The following CLASP2 variants were observed in gnomAD, a reference collection of about 807,000 sequenced individuals.
CLASP2 encodes the protein CLIP-associating protein 2.
A neutral mutation model predicts 194.4 loss-of-function variants in CLASP2; 47 were observed. The ratio of observed to expected loss-of-function variants is 0.24; its 90% CI spans 0.19 to 0.31. CLASP2 has a LOEUF of 0.31. CLASP2 is among the 10% of genes least tolerant of loss of function. The pLI is 1.00. For missense variants in CLASP2, 1,445 were observed against 1,823.6 expected, an observed-to-expected ratio of 0.79 and a Z score of 3.78; for synonymous variants, 619 against 633.5, an observed-to-expected ratio of 0.98 and a Z score of 0.34.
At chr3:33,589,569 G>A (rs2068223075) in intron 21 of CLASP2, among the ~76,000 whole-genome samples, 1 of 152,030 alleles carries the variant, frequency 6.6e-6, no homozygotes, top group South Asian at 2.1e-4. Context: ...AAATAAGCAA[G>A]CAAACAAACA....
intron 7 of CLASP2, among the ~76,000 whole-genome samples, chr3:33,645,670 A>C (rs965824897): frequency 6.6e-6 from 1 of 152,154 alleles, no homozygotes; most frequent in Admixed American, 6.6e-5. Flanking sequence ...TTGACATGAA[A>C]ATTTATATAA....
chr3:33,657,995 A>G (rs948649700), intron 7 of CLASP2, among the ~76,000 whole-genome samples: 1 of 152,190 alleles, frequency 6.6e-6, no homozygotes, highest in East Asian at 1.9e-4. Flanking sequence ...AAAACACTCA[A>G]AACATTTTTG....
At chr3:33,703,637 A>G (rs528835306) in intron 1 of CLASP2, among the ~76,000 whole-genome samples, 2 of 152,312 alleles carry the variant, frequency 1.3e-5, no homozygotes, top group African/African-American at 4.8e-5. Flanking sequence ...TAAAACACCT[A>G]CACACTCATA....
At chr3:33,614,158 A>G (rs1010783944) in intron 12 of CLASP2, among the ~76,000 whole-genome samples, 4 of 152,216 alleles carry the variant, frequency 2.6e-5, no homozygotes, top group African/African-American at 9.6e-5. Flanking sequence ...AAATTATTGC[A>G]TTATTGGTGA....
chr3:33,558,989 T>C (rs993819765), intron 29 of CLASP2: 4 of 383,116 alleles, frequency 1.0e-5, no homozygotes, highest in African/African-American at 6.2e-5. Flanking sequence ...GAGTCTGGCA[T>C]TGCATTTAAA....
chr3:33,699,577 T>C (rs2092223160), intron 1 of CLASP2, among the ~76,000 whole-genome samples: 1 of 152,106 alleles, frequency 6.6e-6, no homozygotes, highest in African/African-American at 2.4e-5. Flanking sequence ...TCCCCCCTTA[T>C]CTGTTTAAGT....
chr3:33,546,065 T>G (rs1014200335), intron 30 of CLASP2, among the ~76,000 whole-genome samples: 2 of 152,216 alleles, frequency 1.3e-5, no homozygotes, highest in African/African-American at 4.8e-5. Flanking sequence ...TCTCATACTT[T>G]TTTTTGGAAC....
Position 33,573,173 on chromosome 3 carries a change from C to G in CLASP2, c.2636G>C (p.Trp879Ser). The change falls in exon 25 of 39, where the codon TGG (tryptophan) becomes TCG (serine). Residue 879 changes from tryptophan to serine, a missense_variant. Transcript: ENST00000682230. ...TAGGAGGCCTTCTTTCCTTTCTGAC[C>G]AATTGGAACTAGCACATCTATTGAG... The part of the protein sequence containing the change: ...EVLNRCASSN[W>S]SERKEGLLGL... The G allele has an allele frequency of 3.1e-6, 5 of 1,613,702 alleles. No homozygotes were observed. Among genetic ancestry groups the G allele is most frequent in the Non-Finnish European group, 4.2e-6 (5 of 1,179,802 alleles).
At chr3:33,645,201 T>C in intron 7 of CLASP2, 1 of 759,964 alleles carries the variant, frequency 1.3e-6, no homozygotes, top group Non-Finnish European at 2.4e-6. Flanking sequence ...TTTGCTACTC[T>C]GCATTTTCTG....
chr3:33,577,690 C>T (rs1560120790), intron 23 of CLASP2, among the ~76,000 whole-genome samples: 1 of 152,164 alleles, frequency 6.6e-6, no homozygotes, highest in Non-Finnish European at 1.5e-5. Flanking sequence ...CCTTCTACAA[C>T]ACCTGCTTCA....
At chr3:33,628,619 A>G (rs556489696) in intron 9 of CLASP2, among the ~76,000 whole-genome samples, 2 of 152,304 alleles carry the variant, frequency 1.3e-5, no homozygotes, top group Non-Finnish European at 2.9e-5. Flanking sequence ...AATTTCAAAC[A>G]GGATAAGTTT....
intron 18 of CLASP2, chr3:33,602,566 C>A (rs781339375): frequency 3.9e-6 from 3 of 763,002 alleles, no homozygotes; most frequent in South Asian, 1.4e-5. Context: ...GCAGTTCTCC[C>A]AGATCTCCAA....
At chr3:33,602,372 T>G (rs898295126) in intron 18 of CLASP2, 3 of 610,918 alleles carry the variant, frequency 4.9e-6, no homozygotes, top group Non-Finnish European at 8.7e-6. Context: ...TGTATTGTGT[T>G]CTGGCGATCT....
intron 7 of CLASP2, among the ~76,000 whole-genome samples, chr3:33,660,179 T>C (rs1287175299): frequency 2.0e-5 from 3 of 152,158 alleles, no homozygotes. Context: ...TTTACATCCT[T>C]GGTTTGTGCA....
chr3:33,632,406 C>A (rs928510050), intron 8 of CLASP2, 35 bp from the exon 9 acceptor site: 1 of 1,404,926 alleles, frequency 7.1e-7, no homozygotes, highest in East Asian at 2.4e-5. Context: ...TCCTAAGGTT[C>A]ATTTTTAAGC....
chr3:33,613,662 T>C lies in CLASP2; in HGVS notation c.1318-1591A>G, dbSNP rs1454457446. Among the ~76,000 whole-genome samples the C allele has an allele frequency of 2.0e-5, 3 of 152,250 alleles. No individual in the cohort carries two copies. The East Asian group carries it at 5.8e-4, about 29-fold the overall frequency. ...CAAGAAAGTGTGCTGACATGCCTGT[T>C]AGTCAACTGTTTAATTCAGCATGAA... On this transcript the variant is annotated intron_variant, in intron 12 of 38. Transcript: ENST00000682230.
At chr3:33,563,923 T>C (rs759034918) in intron 27 of CLASP2, 45 of 456,080 alleles carry the variant, frequency 9.9e-5, no homozygotes, top group Non-Finnish European at 1.7e-4. Flanking sequence ...CCTGATTTCC[T>C]AACACATCCC....
intron 1 of CLASP2, among the ~76,000 whole-genome samples, chr3:33,699,163 T>C (rs963949947): frequency 6.6e-6 from 1 of 152,064 alleles, no homozygotes; most frequent in Non-Finnish European, 1.5e-5. Context: ...AATACGTTCA[T>C]ACAAATTACT....
chr3:33,707,170 T>C (rs928609380), intron 1 of CLASP2, among the ~76,000 whole-genome samples: 3 of 152,150 alleles, frequency 2.0e-5, no homozygotes, highest in Admixed American at 2.0e-4. Context: ...CATCTTGTGA[T>C]ACCAGACAGC....
Sources: gnomAD v4.1 joint callset for allele counts (sites outside exome capture counted in the v4.1 genomes callset) on GRCh38, gnomAD v4.1.1 for gene constraint, MANE v1.5 for transcripts, NCBI Gene and HGNC (gene_info 2026-07-23, HGNC 2026-07-21) for gene names.